ABLIM2: variants seen among roughly 807,000 people sequenced by gnomAD.
ABLIM2 encodes actin binding LIM protein family member 2.
In ABLIM2, 53 loss-of-function variants were observed where a neutral mutation model predicts 97.7. That is an observed-to-expected ratio of 0.54 (90% CI 0.44 to 0.68). The LOEUF (loss-of-function observed/expected upper bound fraction) is 0.68. ABLIM2 is among the 30% of genes least tolerant of loss of function. The probability of loss-of-function intolerance (pLI) is 0.00; values close to 1 mark genes in which losing one functional copy is unlikely to be tolerated. For synonymous variants in ABLIM2, 361 were observed against 345.8 expected (o/e 1.04, Z -0.49); for missense variants, 835 against 867.2 (o/e 0.96, Z 0.47).
chr4:8,088,964 C>T (rs1362590576), intron 3 of ABLIM2, among the ~76,000 whole-genome samples: 2 of 152,180 alleles, frequency 1.3e-5, no homozygotes, highest in East Asian at 3.8e-4. Context: ...AAAAGCACAC[C>T]TCGTAGACAG....
intron 2 of ABLIM2, among the ~76,000 whole-genome samples, chr4:8,103,187 T>G (rs1835522542): frequency 6.6e-6 from 1 of 152,094 alleles, no homozygotes; most frequent in Non-Finnish European, 1.5e-5. Context: ...ACCTCCAGAC[T>G]TCGTGTTAAG....
At position 8,085,497 on chromosome 4, in the gene ABLIM2, C is replaced by T. The variant is rs1277222614; in HGVS notation, c.454+2672G>A. 2.0e-5 allele frequency among the ~76,000 whole-genome samples: 3 copies of T among 150,032 alleles called. No homozygotes were observed. The South Asian group carries it at 6.4e-4, about 32-fold the overall frequency. On this transcript the variant is annotated intron_variant, in intron 4 of 20. Coordinates refer to ENST00000447017, the MANE Select transcript of ABLIM2 (RefSeq NM_001130083.2). This position sits in a 1 kb window ranked among gnomAD's most constrained non-coding sequence, Gnocchi z 6.1. ...CACGGGTCTGGGGGTGCCCACGCTG[C>T]AGTCCCGTCCACTCACACGGCTCTG...
chr4:7,983,213 G>C (rs907919600), intron 20 of ABLIM2, 51 bp downstream of exon 20: 78 of 1,553,340 alleles, frequency 5.0e-5, no homozygotes, highest in Non-Finnish European at 6.6e-5. Flanking sequence ...GGCATCTGCG[G>C]GGACTCTCGC....
In ABLIM2 at chr4:8,122,397, T is replaced by A. The variant is rs1263632469; in HGVS notation, c.11-15760A>T. ...ATGTGGTGGCTTAAAAGACTGACACTTATCTCCCACAGTTCTGGAGCCTAA... is the reference window on the plus strand; with the variant it reads ...ATGTGGTGGCTTAAAAGACTGACACATATCTCCCACAGTTCTGGAGCCTAA... On this transcript the variant is annotated intron_variant, in intron 1 of 20. Coordinates refer to ENST00000447017, the MANE Select transcript of ABLIM2 (RefSeq NM_001130083.2). The surrounding 1 kb of genome is among the most constrained non-coding windows in gnomAD (Gnocchi z 4.1). 6.6e-6 allele frequency among the ~76,000 whole-genome samples: 1 copy of A among 152,216 alleles called. No homozygotes were observed. The highest frequency in any genetic ancestry group is 1.5e-5 in the Non-Finnish European group (1 of 68,032).
chr4:8,123,832 C>T lies in ABLIM2; in HGVS notation c.11-17195G>A, dbSNP rs188697290. Among the ~76,000 whole-genome samples the T allele has an allele frequency of 1.2e-4, 19 of 152,104 alleles. No homozygotes were observed. The highest frequency in any genetic ancestry group is 4.3e-4 in the African/African-American group (18 of 41,420). On this transcript the variant is annotated intron_variant, in intron 1 of 20. Transcript: ENST00000447017. This position sits in a 1 kb window ranked among gnomAD's most constrained non-coding sequence, Gnocchi z 6.2. ...CACCCGGACAGGCCAAGAGGAGGGG[C>T]AGGAGGTGGCACGGGGTGGGAGCCC...
rs76539907 is a variant in ABLIM2, at chr4:8,142,134, T to C, written c.10+16546A>G. On this transcript the variant is annotated intron_variant, in intron 1 of 20. Transcript: ENST00000447017. ...CATGGGAGATAGAGGGTTCTATTCC[T>C]GGCATAACTAACCCTCTTTCCTGGA... Among the ~76,000 whole-genome samples the C allele has an allele frequency of 8.1e-4, 124 of 152,316 alleles. 3 individuals carry two copies. The East Asian group carries it at 0.021, about 26-fold the overall frequency.
At chr4:8,070,102 G>A (rs571757862) in intron 6 of ABLIM2, among the ~76,000 whole-genome samples, 53 of 151,960 alleles carry the variant, frequency 3.5e-4, no homozygotes, top group African/African-American at 1.3e-3. Flanking sequence ...GTGTGTTTGT[G>A]TGTCTGCATG....
chr4:8,068,697 C>A lies in ABLIM2; in HGVS notation c.676-7643G>T, dbSNP rs751349520. On this transcript the variant is annotated intron_variant, in intron 6 of 20. Transcript: ENST00000447017. This position sits in a 1 kb window ranked among gnomAD's most constrained non-coding sequence, Gnocchi z 4.5. ...GCCACACTTCCCCTTGCTTCTTCCCCGCTGCGGGCTCCCGCTCAGCCGAGG... is the reference window on the plus strand; with the variant it reads ...GCCACACTTCCCCTTGCTTCTTCCCAGCTGCGGGCTCCCGCTCAGCCGAGG... 5.9e-5 allele frequency among the ~76,000 whole-genome samples: 9 copies of A among 152,194 alleles called. No individual in the cohort carries two copies. The highest frequency in any genetic ancestry group is 1.0e-4 in the Non-Finnish European group (7 of 68,038).
chr4:8,154,716 G>A (rs1234460496), intron 1 of ABLIM2, among the ~76,000 whole-genome samples: 1 of 152,224 alleles, frequency 6.6e-6, no homozygotes, highest in Non-Finnish European at 1.5e-5. Flanking sequence ...AGAGAACATA[G>A]ATTTTGGGTT....
In ABLIM2 at chr4:8,005,294, C is replaced by T. The variant is rs141774011; in HGVS notation, c.1618+2765G>A. The T allele has an allele frequency of 4.4e-5, 23 of 527,520 alleles. No homozygotes were observed. In the East Asian group the frequency reaches 9.9e-4, roughly 23 times the overall value. The allele number at this position is 527,520 out of a possible 1,614,324, so 32.7% of individuals were successfully genotyped here. A position where few individuals can be genotyped will look rare whatever the true frequency, so the allele number is the denominator to read the frequency against. ...CTGTCCCCCTCGGCGCCCCGCTCAG[C>T]GTCTGGCACAGAGTGGGTGCTCAAT... On this transcript the variant is annotated intron_variant, in intron 16 of 20. Coordinates refer to ENST00000447017, the MANE Select transcript of ABLIM2 (RefSeq NM_001130083.2). This position sits in a 1 kb window ranked among gnomAD's most constrained non-coding sequence, Gnocchi z 4.9.
chr4:8,022,056 C>T lies in ABLIM2; in HGVS notation c.1268-1753G>A, dbSNP rs779851574. ...GGACTCACGTGCCCGGAAAGGACACCGCGGATCCCTCCTACCGACTACGGC... is the reference window on the plus strand; with the variant it reads ...GGACTCACGTGCCCGGAAAGGACACTGCGGATCCCTCCTACCGACTACGGC... On this transcript the variant is annotated intron_variant, in intron 12 of 20. Transcript: ENST00000447017. The surrounding 1 kb of genome is among the most constrained non-coding windows in gnomAD (Gnocchi z 7.8). 1.1e-4 allele frequency among the ~76,000 whole-genome samples: 16 copies of T among 152,164 alleles called. No homozygotes were observed. In the East Asian group the frequency reaches 1.2e-3, roughly 11 times the overall value.
chr4:7,978,509 G>C (rs565275568), intron 20 of ABLIM2, among the ~76,000 whole-genome samples: 10 of 152,336 alleles, frequency 6.6e-5, no homozygotes, highest in African/African-American at 2.2e-4. Flanking sequence ...GGGTTGCTGT[G>C]AGTCCCAACA....
intron 20 of ABLIM2, among the ~76,000 whole-genome samples, chr4:7,969,290 C>T (rs1410701687): frequency 2.0e-5 from 3 of 151,974 alleles, no homozygotes; most frequent in Non-Finnish European, 2.9e-5. Context: ...TCCATCTCTA[C>T]AAAAATTACA....
chr4:8,151,749 G>A (rs1458757693), intron 1 of ABLIM2, among the ~76,000 whole-genome samples: 1 of 151,912 alleles, frequency 6.6e-6, no homozygotes. Context: ...GGTCACAGAG[G>A]TCCAGGCGAG....
At chr4:8,107,123 G>A (rs1264977161) in intron 1 of ABLIM2, among the ~76,000 whole-genome samples, 2 of 152,270 alleles carry the variant, frequency 1.3e-5, no homozygotes. Flanking sequence ...CCTCAGGGGA[G>A]CTCACTTCAA....
intron 6 of ABLIM2, among the ~76,000 whole-genome samples, chr4:8,073,526 G>A (rs1369082170): frequency 6.6e-6 from 1 of 152,008 alleles, no homozygotes; most frequent in Non-Finnish European, 1.5e-5. Context: ...GTGCCAGCAA[G>A]GGCTGAGCAA....
At chr4:8,134,773 T>C (rs1302611042) in intron 1 of ABLIM2, among the ~76,000 whole-genome samples, 2 of 152,138 alleles carry the variant, frequency 1.3e-5, no homozygotes. Flanking sequence ...GCCCTTTTGG[T>C]ACAGGTACAA....
intron 1 of ABLIM2, among the ~76,000 whole-genome samples, chr4:8,131,624 G>A (rs1849374463): frequency 6.7e-6 from 1 of 149,200 alleles, no homozygotes; most frequent in Non-Finnish European, 1.5e-5. Context: ...ACAGAAGCCT[G>A]CATCCCTGAG....
At chr4:8,090,432 C>T (rs1042415257) in intron 3 of ABLIM2, among the ~76,000 whole-genome samples, 9 of 152,262 alleles carry the variant, frequency 5.9e-5, no homozygotes, top group African/African-American at 1.9e-4. Flanking sequence ...CTAGGAAGCT[C>T]TGGCTTATTG....
Sources: gnomAD v4.1 joint callset for allele counts (sites outside exome capture counted in the v4.1 genomes callset) on GRCh38, gnomAD v4.1.1 for gene constraint, Gnocchi (gnomAD v3.1) non-coding constraint, MANE v1.5 for transcripts, NCBI Gene and HGNC (gene_info 2026-07-23, HGNC 2026-07-21) for gene names.